Variants in STXBP4 observed in about 807,000 individuals in gnomAD.
The protein encoded by STXBP4 is syntaxin binding protein 4, also known as syntaxin-binding protein 4.
A neutral mutation model predicts 76.1 loss-of-function variants in STXBP4; 55 were observed. The ratio of observed to expected loss-of-function variants is 0.72; its 90% CI spans 0.58 to 0.91. The LOEUF (loss-of-function observed/expected upper bound fraction) is 0.91. Among genes scored for constraint, STXBP4 ranks in the 40% least tolerant of loss-of-function variants. STXBP4 has a pLI of 0.00. For synonymous variants in STXBP4, 201 were observed against 220.2 expected, an observed-to-expected ratio of 0.91 and a Z score of 0.77; for missense variants, 618 against 636.9, an observed-to-expected ratio of 0.97 and a Z score of 0.32.
At chr17:55,176,856 C>T (rs190624156), downstream of STXBP4, among the ~76,000 whole-genome samples, 3 of 152,254 alleles carry the variant, frequency 2.0e-5, no homozygotes, top group African/African-American at 7.2e-5. Context: ...GGACATCATT[C>T]TTCTTCCCTC....
intron 8 of STXBP4, among the ~76,000 whole-genome samples, chr17:55,020,198 A>G (rs191900988): frequency 6.6e-6 from 1 of 152,070 alleles, no homozygotes; most frequent in Non-Finnish European, 1.5e-5. Context: ...TCTCCTTCAT[A>G]TTTTGCATCT....
chr17:55,084,418 C>G (rs1235488768), intron 16 of STXBP4, among the ~76,000 whole-genome samples: 1 of 152,012 alleles, frequency 6.6e-6, no homozygotes, highest in Non-Finnish European at 1.5e-5. Flanking sequence ...AAATTTTCTC[C>G]CATTTTGTAG....
chr17:55,166,529 GT>G lies in STXBP4; in HGVS notation c.*6622del, dbSNP rs1461962840. 6.6e-6 allele frequency: 1 copy of G among 152,182 alleles called. No homozygotes were observed. Among genetic ancestry groups the G allele is most frequent in the African/African-American group, 2.4e-5 (1 of 41,430 alleles). 9.4% of individuals were successfully genotyped at this position (152,182 alleles called of 1,614,324 possible). On this transcript the variant is annotated 3_prime_UTR_variant, in exon 18 of 18. Coordinates refer to ENST00000376352, the MANE Select transcript of STXBP4 (RefSeq NM_178509.6). ...TCACCAACAGTTGCTCAGATATACT[GT>G]TTTCTGTCTAGGAAACTTCTCTTGC... is the stretch of plus-strand genomic sequence containing the variant.
chr17:54,978,444 A>C (rs1368106638), intron 1 of STXBP4, among the ~76,000 whole-genome samples: 1 of 152,190 alleles, frequency 6.6e-6, no homozygotes, highest in East Asian at 1.9e-4. Context: ...CTGCCTGTCA[A>C]TTTGCTTACA....
chr17:55,027,455 G>A (rs1313907202), intron 8 of STXBP4, among the ~76,000 whole-genome samples: 2 of 152,144 alleles, frequency 1.3e-5, no homozygotes, highest in Non-Finnish European at 2.9e-5. Context: ...ACTACATATT[G>A]AGTACAGTGA....
intron 17 of STXBP4, among the ~76,000 whole-genome samples, chr17:55,150,978 T>C (rs1004903308): frequency 6.6e-6 from 1 of 151,628 alleles, no homozygotes; most frequent in Non-Finnish European, 1.5e-5. Flanking sequence ...AAAAAGAGAG[T>C]CAGAAAGAGA....
At chr17:55,183,175 G>C in the STXBP4 span, among the ~76,000 whole-genome samples, 1 of 151,968 alleles carries the variant, frequency 6.6e-6, no homozygotes, top group Non-Finnish European at 1.5e-5. Context: ...ACATAAAGAG[G>C]GTAAAAACTA....
chr17:55,155,348 G>C (rs1567785116), intron 17 of STXBP4, among the ~76,000 whole-genome samples: 1 of 151,972 alleles, frequency 6.6e-6, no homozygotes, highest in African/African-American at 2.4e-5. Context: ...TAGTTTTTAA[G>C]TATAAATCTT....
At position 55,035,611 on chromosome 17, in the gene STXBP4, GAATTAT is replaced by G. The variant is rs1331756960; in HGVS notation, c.855+1360_855+1365del. ...ACAAATTAAAATTTTCTTCCATATTGAATTATAATTATACTTATTATTGGTACATAA... is the reference window on the plus strand; with the variant it reads ...ACAAATTAAAATTTTCTTCCATATTGAATTATACTTATTATTGGTACATAA... On this transcript the variant is annotated intron_variant, in intron 10 of 17. Transcript: ENST00000376352. 4.6e-5 allele frequency among the ~76,000 whole-genome samples: 7 copies of G among 151,622 alleles called. No individual in the cohort carries two copies. The South Asian group carries it at 1.5e-3, about 32-fold the overall frequency.
At chr17:54,988,883 C>CCAAATTAGAGCTGAATT (rs2077667768) in intron 3 of STXBP4, among the ~76,000 whole-genome samples, 1 of 152,088 alleles carries the variant, frequency 6.6e-6, no homozygotes, top group South Asian at 2.1e-4. Flanking sequence ...ATAGGCCTTC[C>CCAAATTAGAGCTGAATT]CAAATTAGAG....
downstream of STXBP4, among the ~76,000 whole-genome samples, chr17:55,177,080 T>A (rs1339014782): frequency 1.3e-5 from 2 of 152,034 alleles, no homozygotes; most frequent in Non-Finnish European, 2.9e-5. Context: ...TCCTGGAACT[T>A]CTTAGCCTCT....
At chr17:54,976,889 G>C in intron 1 of STXBP4, among the ~76,000 whole-genome samples, 1 of 152,168 alleles carries the variant, frequency 6.6e-6, no homozygotes, top group Non-Finnish European at 1.5e-5. Flanking sequence ...GGGACTGCTG[G>C]CCTAACCAAT....
intron 13 of STXBP4, 35 bp from the exon 14 acceptor site, chr17:55,078,043 A>T (rs2079206771): frequency 7.3e-7 from 1 of 1,360,668 alleles, no homozygotes; most frequent in South Asian, 1.3e-5. Context: ...AAACTGAAGA[A>T]ATGTGTAAAT....
At chr17:55,047,819 G>A (rs918239935) in intron 12 of STXBP4, among the ~76,000 whole-genome samples, 11 of 151,690 alleles carry the variant, frequency 7.3e-5, no homozygotes, top group African/African-American at 2.7e-4. Context: ...TTTTGAATAT[G>A]ACTATGTGAC....
chr17:55,021,889 A>G (rs181789314), intron 8 of STXBP4, among the ~76,000 whole-genome samples: 2 of 152,210 alleles, frequency 1.3e-5, no homozygotes, highest in African/African-American at 2.4e-5. Context: ...AATTTTGCCT[A>G]TGATTTTCAG....
intron 12 of STXBP4, among the ~76,000 whole-genome samples, chr17:55,060,249 A>G (rs1446250300): frequency 6.6e-6 from 1 of 152,130 alleles, no homozygotes; most frequent in Non-Finnish European, 1.5e-5. Flanking sequence ...TATTTTGTTA[A>G]GAGGATTTTG....
At chr17:55,141,273 T>C (rs186367549) in intron 16 of STXBP4, 37 bp from the exon 17 acceptor site, 1 of 1,542,382 alleles carries the variant, frequency 6.5e-7, no homozygotes, top group East Asian at 2.3e-5. Flanking sequence ...ATCTTTATCA[T>C]CTTATTAAAT....
At chr17:55,107,104 T>C (rs1196439481) in intron 16 of STXBP4, among the ~76,000 whole-genome samples, 2 of 152,208 alleles carry the variant, frequency 1.3e-5, no homozygotes, top group African/African-American at 4.8e-5. Context: ...TTTTACATAG[T>C]CCCATATTTC....
chr17:55,064,812 A>ATG (rs943172525), intron 12 of STXBP4, among the ~76,000 whole-genome samples: 1 of 152,078 alleles, frequency 6.6e-6, no homozygotes, highest in African/African-American at 2.4e-5. Context: ...TTAAACATAA[A>ATG]TGTTTTTGTG....
Sources: allele counts gnomAD v4.1 joint callset (sites outside exome capture counted in the v4.1 genomes callset), GRCh38; gene constraint gnomAD v4.1.1; transcripts MANE v1.5; gene names NCBI Gene and HGNC (gene_info 2026-07-23, HGNC 2026-07-21).